The following RAD21 variants were observed in gnomAD, a reference collection of about 807,000 sequenced individuals.
The protein encoded by RAD21 is RAD21 cohesin complex component.
Under a neutral mutation model 71.5 loss-of-function variants are expected in RAD21, and 18 were observed. The ratio of observed to expected loss-of-function variants is 0.25; its 90% confidence interval spans 0.17 to 0.37. The LOEUF (loss-of-function observed/expected upper bound fraction) is 0.37. Ranked by LOEUF, RAD21 falls within the 10% of genes least tolerant of loss-of-function variation. The pLI is 1.00. For synonymous variants in RAD21, 248 were observed against 254.0 expected (o/e 0.98, Z 0.22); for missense variants, 493 against 769.1 (o/e 0.64, Z 4.25).
chr8:116,857,177 T>TC (rs753194912), intron 6 of RAD21, 90 bp downstream of exon 6: 2 of 1,140,338 alleles, frequency 1.8e-6, no homozygotes, highest in East Asian at 2.4e-5. Context: ...TAAAAGCTGT[T>TC]CAAGACTCAG....
chr8:116,862,099 G>A (rs1812603325), intron 3 of RAD21, among the ~76,000 whole-genome samples, 159 bp from the exon 4 acceptor site: 3 of 152,050 alleles, frequency 2.0e-5, no homozygotes. Context: ...CTTTTTCCAT[G>A]CTCATAAATT....
chr8:116,864,974 G>T (rs766124216), intron 2 of RAD21, among the ~76,000 whole-genome samples: 1 of 152,088 alleles, frequency 6.6e-6, no homozygotes, highest in Non-Finnish European at 1.5e-5. Context: ...AGTTGCAAAT[G>T]AGCCACGTGT....
intron 1 of RAD21, among the ~76,000 whole-genome samples, chr8:116,871,882 C>T (rs1812828660): frequency 6.6e-6 from 1 of 152,218 alleles, no homozygotes; most frequent in Admixed American, 6.5e-5. Flanking sequence ...TCAGAATCCA[C>T]ACTTCTAACT....
At chr8:116,855,465 T>C (rs1325760200) in intron 8 of RAD21, among the ~76,000 whole-genome samples, 1 of 152,188 alleles carries the variant, frequency 6.6e-6, no homozygotes, top group Non-Finnish European at 1.5e-5. Context: ...AAAAAGATTA[T>C]TCTAGAAATT....
rs574791897 is a variant in RAD21 at position 116,866,553 on chromosome 8, C to T, written c.144+33G>A. ...ATTTCACATATCAATAAACAATCAA[C>T]AAAGTGAATAAAAATGTCAACATCA... On this transcript the variant is annotated intron_variant, in intron 2 of 13. Transcript: ENST00000297338. 4.4e-6 allele frequency: 7 copies of T among 1,573,458 alleles called. No individual in the cohort carries two copies. The East Asian group carries it at 1.4e-4, about 31-fold the overall frequency.
intron 9 of RAD21, among the ~76,000 whole-genome samples, chr8:116,853,908 A>G (rs576057638): frequency 6.6e-6 from 1 of 152,312 alleles, no homozygotes; most frequent in African/African-American, 2.4e-5. Context: ...AAGGAGAACC[A>G]CTCATGTTTC....
rs1361847479 is a variant in RAD21, at chr8:116,847,689, A to C, written c.1707T>G (p.Arg569=). 1 of 1,610,788 alleles carries C rather than the reference A, an allele frequency of 6.2e-7. No homozygotes were observed. ...RTQQMLHGLQ[R]ALAKTGAESI... ...ATTCAGCTCCAGTTTTAGCAAGAGC[A>C]CGCTGAAATAAAACCAAAAAAGGGT... is the stretch of plus-strand genomic sequence containing the variant. The change falls in exon 14 of 14, where the codon CGT becomes CGG. Residue 569 remains arginine (R), a splice_region_variant and synonymous_variant. Transcript: ENST00000297338.
chr8:116,847,324 C>T lies in RAD21; in HGVS notation c.*176G>A, dbSNP rs1329342526. The T allele has an allele frequency of 1.1e-5, 6 of 552,718 alleles. No homozygotes were observed. The African/African-American group carries it at 1.2e-4, about 11-fold the overall frequency. The allele number at this position is 552,718 out of a possible 1,614,324, so 34.2% of individuals were successfully genotyped here. ...CAAACACAACCCATCTAATCAGTTTCCCTCAAAGATGAAATTGACAAATTT... is the reference window on the plus strand; with the variant it reads ...CAAACACAACCCATCTAATCAGTTTTCCTCAAAGATGAAATTGACAAATTT... On this transcript the variant is annotated 3_prime_UTR_variant, in exon 14 of 14. Transcript: ENST00000297338.
intron 1 of RAD21, among the ~76,000 whole-genome samples, chr8:116,868,149 C>G (rs1290537502): frequency 6.6e-6 from 1 of 152,140 alleles, no homozygotes; most frequent in Non-Finnish European, 1.5e-5. Flanking sequence ...CTCAAGCAAT[C>G]CTCCTCCCTC....
At chr8:116,861,764 A>T in intron 4 of RAD21, 77 bp downstream of exon 4, 1 of 1,029,980 alleles carries the variant, frequency 9.7e-7, no homozygotes, top group African/African-American at 1.6e-5. Context: ...ATTCCAAGGA[A>T]AACTATACAT....
chr8:116,872,727 C>G (rs999479867), intron 1 of RAD21, among the ~76,000 whole-genome samples: 12 of 152,210 alleles, frequency 7.9e-5, no homozygotes, highest in African/African-American at 2.7e-4. Context: ...AGGTTGAAAT[C>G]TGGTGGTTTA....
At chr8:116,859,268 T>G (rs1211945944) in intron 4 of RAD21, among the ~76,000 whole-genome samples, 1 of 152,184 alleles carries the variant, frequency 6.6e-6, no homozygotes, top group Non-Finnish European at 1.5e-5. Context: ...GCAAGTCTGT[T>G]GGTGCCATTT....
intron 3 of RAD21, among the ~76,000 whole-genome samples, 168 bp from the exon 4 acceptor site, chr8:116,862,108 T>C (rs890579447): frequency 4.6e-5 from 7 of 152,148 alleles, no homozygotes; most frequent in African/African-American, 1.2e-4. Context: ...TGCTCATAAA[T>C]TGTATTCCTT....
In RAD21 at chr8:116,863,006, C is replaced by T. The variant is rs1586273174; in HGVS notation, c.274+124G>A. On this transcript the variant is annotated intron_variant, in intron 3 of 13. Transcript: ENST00000297338. ...AGCCTTGCTCTATCTTTGAAGGGTT[C>T]CTCGTATTTCAATTAAAACAAAGCA... is the stretch of plus-strand genomic sequence containing the variant. 10 of 1,264,916 alleles carry T rather than the reference C, an allele frequency of 7.9e-6. No homozygotes were observed. In the East Asian group the frequency reaches 2.4e-4, roughly 30 times the overall value. The allele number at this position is 1,264,916 out of a possible 1,614,324, so 78.4% of individuals were successfully genotyped here.
rs555716832 is a variant in RAD21 at position 116,850,828 on chromosome 8, T to C, written c.1471-61A>G. 248 of 1,199,460 alleles carry C rather than the reference T, an allele frequency of 2.1e-4. 3 individuals are homozygous for C. The South Asian group carries it at 3.2e-3, about 15-fold the overall frequency. The allele number at this position is 1,199,460 out of a possible 1,614,324, so 74.3% of individuals were successfully genotyped here. On this transcript the variant is annotated intron_variant, in intron 11 of 13. Transcript: ENST00000297338. The stretch of plus-strand genomic sequence containing the variant: ...TGCTTTTAAAGTAGCTTATTTTAAA[T>C]ATGAAAATACACAGTGGCTGAAGTT...
Position 116,854,494 on chromosome 8 carries a change from C to G in RAD21, c.938-26G>C, listed in dbSNP as rs1812421810. On this transcript the variant is annotated intron_variant, in intron 8 of 13. Transcript: ENST00000297338. ...CTGGAATGATAATAAAAAATAAGATCATTTTCCTGAGAGGCCAGCATGGAA... is the reference window on the plus strand; with the variant it reads ...CTGGAATGATAATAAAAAATAAGATGATTTTCCTGAGAGGCCAGCATGGAA... 1.9e-6 allele frequency: 3 copies of G among 1,573,476 alleles called. No homozygotes were observed. The Admixed American group carries it at 5.0e-5, about 26-fold the overall frequency.
chr8:116,860,130 T>TGAA (rs1173854099), intron 4 of RAD21, among the ~76,000 whole-genome samples: 2 of 152,152 alleles, frequency 1.3e-5, no homozygotes, highest in Non-Finnish European at 2.9e-5. Context: ...AAGTGGAGCC[T>TGAA]GAAGGTGTAA....
chr8:116,860,466 C>A (rs1812568337), intron 4 of RAD21, among the ~76,000 whole-genome samples: 2 of 152,146 alleles, frequency 1.3e-5, no homozygotes, highest in Admixed American at 6.5e-5. Flanking sequence ...TAAGAAATTG[C>A]CGCAGTTACC....
chr8:116,873,828 G>A (rs1432160668), intron 1 of RAD21, among the ~76,000 whole-genome samples: 1 of 152,040 alleles, frequency 6.6e-6, no homozygotes, highest in Non-Finnish European at 1.5e-5. Flanking sequence ...GCATTTATCA[G>A]AAACACACAC....
Sources: gnomAD v4.1 joint callset for allele counts (sites outside exome capture counted in the v4.1 genomes callset) on GRCh38, gnomAD v4.1.1 for gene constraint, MANE v1.5 for transcripts, NCBI Gene and HGNC (gene_info 2026-07-23, HGNC 2026-07-21) for gene names.